Variants in AOAH observed in about 807,000 individuals in gnomAD.
The protein encoded by AOAH is acyloxyacyl hydrolase (neutrophil).
In AOAH, 64 loss-of-function variants were observed where a neutral mutation model predicts 92.2. The observed-to-expected ratio is 0.69, with a 90% CI of 0.57 to 0.86. The LOEUF (loss-of-function observed/expected upper bound fraction) is 0.86, where lower values mean the gene tolerates loss of function less well. AOAH is among the 40% of genes least tolerant of loss of function. AOAH has a pLI of 0.00. For synonymous variants in AOAH, 263 were observed against 254.5 expected, an observed-to-expected ratio of 1.03 and a Z score of -0.32; for missense variants, 656 against 694.6, an observed-to-expected ratio of 0.94 and a Z score of 0.62.
intron 15 of AOAH, 64 bp from the exon 16 acceptor site, chr7:36,540,555 C>T (rs754092745): frequency 1.2e-4 from 169 of 1,410,010 alleles, no homozygotes; most frequent in Admixed American, 1.3e-4. Flanking sequence ...GCAAGTTGCA[C>T]GCAAATACAA....
intron 13 of AOAH, among the ~76,000 whole-genome samples, chr7:36,569,523 T>TCTGTCTA (rs1562578540): frequency 6.6e-6 from 1 of 150,814 alleles, no homozygotes; most frequent in African/African-American, 2.5e-5. Flanking sequence ...CTGTCTATCT[T>TCTGTCTA]TCTACCAGAT....
At chr7:36,663,876 C>T (rs1270355728) in intron 3 of AOAH, among the ~76,000 whole-genome samples, 1 of 151,830 alleles carries the variant, frequency 6.6e-6, no homozygotes, top group Non-Finnish European at 1.5e-5. Context: ...AGAAACTATA[C>T]TTTTTTTTCA....
rs777448004 is a variant in AOAH at position 36,659,194 on chromosome 7, G to T, written c.362C>A (p.Pro121Gln). Residue 121 changes from proline to glutamine, a missense_variant, in exon 4 of 21, where the codon CCA becomes CAA. Pro to Gln is a moderately conservative substitution (Grantham distance 76). Coordinates refer to ENST00000617537, the MANE Select transcript of AOAH (RefSeq NM_001637.4). ...LEFCKQNTGQ[P>Q]LCHLYPLPKE... ...GGGAAGAGGGTAGAGATGACACAAT[G>T]GTTGGCCAGTGTTCTGTTTACAAAA... 3.1e-6 allele frequency: 5 copies of T among 1,613,922 alleles called. No individual in the cohort carries two copies. The South Asian group carries it at 4.4e-5, about 14-fold the overall frequency.
intron 13 of AOAH, among the ~76,000 whole-genome samples, chr7:36,575,774 G>A (rs566121591): frequency 2.3e-4 from 35 of 152,234 alleles, no homozygotes; most frequent in African/African-American, 6.7e-4. Flanking sequence ...TAGTTTAAAC[G>A]CTTGTTGCTT....
At chr7:36,665,679 T>C (rs1795487315) in intron 3 of AOAH, among the ~76,000 whole-genome samples, 1 of 152,156 alleles carries the variant, frequency 6.6e-6, no homozygotes, top group Middle Eastern at 3.2e-3. Flanking sequence ...TGTAGTCTTT[T>C]TGTAGATATT....
chr7:36,590,096 A>G (rs1488906192), intron 12 of AOAH, among the ~76,000 whole-genome samples: 1 of 152,014 alleles, frequency 6.6e-6, no homozygotes, highest in Non-Finnish European at 1.5e-5. Flanking sequence ...AAGGACTACA[A>G]GTACATGCCA....
intron 1 of AOAH, among the ~76,000 whole-genome samples, chr7:36,720,139 GT>G (rs34907212): frequency 3.4e-4 from 50 of 146,588 alleles, no homozygotes; most frequent in Admixed American, 6.8e-4. Flanking sequence ...GAATTCTAAA[GT>G]TTTTTTTTTT....
rs779944998 is a variant in AOAH at position 36,637,888 on chromosome 7, T to C, written c.413A>G (p.Gln138Arg). The C allele has an allele frequency of 3.1e-6, 5 of 1,614,030 alleles. No individual in the cohort carries two copies. The highest frequency in any genetic ancestry group is 3.3e-4 in the Middle Eastern group (2 of 6,062). Residue 138 changes from glutamine to arginine, a missense_variant, in exon 5 of 21, where the codon CAG becomes CGG. Gln to Arg is a conservative substitution (Grantham distance 43). Coordinates refer to ENST00000617537, the MANE Select transcript of AOAH (RefSeq NM_001637.4). ...CTTCTTGACAATTTGTCTTGCCTTCTGTAGTGTAAATTTCCATGTCTCCTA... is the reference window on the plus strand; with the variant it reads ...CTTCTTGACAATTTGTCTTGCCTTCCGTAGTGTAAATTTCCATGTCTCCTA... Reference protein sequence around the residue: ...LPKETWKFTLQKARQIVKKSP... With the variant: ...LPKETWKFTLRKARQIVKKSP...
At chr7:36,609,643 C>T (rs1791285009) in intron 11 of AOAH, among the ~76,000 whole-genome samples, 2 of 127,526 alleles carry the variant, frequency 1.6e-5, no homozygotes, top group Admixed American at 8.1e-5. Context: ...CTGCTTTGAA[C>T]ACAGTGTCTC....
At chr7:36,681,184 A>G (rs541893053) in intron 2 of AOAH, among the ~76,000 whole-genome samples, 86 of 152,332 alleles carry the variant, frequency 5.6e-4, no homozygotes, top group Middle Eastern at 3.4e-3. Flanking sequence ...ACTGTTCTTC[A>G]CTGTTTTCCT....
chr7:36,637,539 G>A (rs985862960), intron 5 of AOAH, among the ~76,000 whole-genome samples: 6 of 152,056 alleles, frequency 3.9e-5, no homozygotes, highest in African/African-American at 1.4e-4. Context: ...GGTGGATGGT[G>A]GTGCTGCTGG....
chr7:36,669,317 A>C (rs1341492581), intron 3 of AOAH, among the ~76,000 whole-genome samples: 2 of 151,588 alleles, frequency 1.3e-5, no homozygotes, highest in Non-Finnish European at 2.9e-5. Context: ...ACTAGAATTT[A>C]ATTATTTCTA....
At chr7:36,691,171 A>C (rs900747107) in intron 1 of AOAH, among the ~76,000 whole-genome samples, 2 of 152,170 alleles carry the variant, frequency 1.3e-5, no homozygotes, top group Non-Finnish European at 2.9e-5. Flanking sequence ...ATATATTATT[A>C]TCTCATTCAA....
chr7:36,602,695 C>T (rs117125690), intron 11 of AOAH, among the ~76,000 whole-genome samples: 443 of 152,148 alleles, frequency 2.9e-3, no homozygotes, highest in Non-Finnish European at 5.5e-3. Context: ...AAAGTTTAGT[C>T]ATTTCTACAA....
intron 13 of AOAH, among the ~76,000 whole-genome samples, chr7:36,573,999 G>T (rs1240013331): frequency 6.6e-6 from 1 of 152,078 alleles, no homozygotes; most frequent in South Asian, 2.1e-4. Flanking sequence ...GAGAGTAATT[G>T]AAGTAATTTA....
At chr7:36,526,237 C>G (rs1156812095) in intron 19 of AOAH, among the ~76,000 whole-genome samples, 1 of 151,954 alleles carries the variant, frequency 6.6e-6, no homozygotes, top group Non-Finnish European at 1.5e-5. Context: ...AGACTACAAC[C>G]TGTTTATTTA....
chr7:36,549,067 C>T lies in AOAH; in HGVS notation c.1058+372G>A, dbSNP rs190012000. Among the ~76,000 whole-genome samples the T allele has an allele frequency of 4.1e-4, 62 of 152,298 alleles. No homozygotes were observed. In the East Asian group the frequency reaches 4.8e-3, roughly 12 times the overall value. On this transcript the variant is annotated intron_variant, in intron 14 of 20. Coordinates refer to ENST00000617537, the MANE Select transcript of AOAH (RefSeq NM_001637.4). Reference sequence around the variant, plus strand: ...AACCTGGCAGCCGTGGACCCATAGTCAACTTTGAAAAGGCAAAGGCTTCTT... The same window carrying T: ...AACCTGGCAGCCGTGGACCCATAGTTAACTTTGAAAAGGCAAAGGCTTCTT...
intron 19 of AOAH, among the ~76,000 whole-genome samples, chr7:36,523,864 T>C (rs1270276965): frequency 6.6e-6 from 1 of 152,110 alleles, no homozygotes; most frequent in Non-Finnish European, 1.5e-5. Flanking sequence ...ACCAGCCATC[T>C]GGAAAGATTT....
At chr7:36,591,994 C>T (rs35611190) in intron 12 of AOAH, among the ~76,000 whole-genome samples, 36,117 of 151,920 alleles carry the variant, frequency 0.24, 5,287 homozygotes, top group African/African-American at 0.41. Flanking sequence ...AATATCGGAT[C>T]GGTATTTCTT....
Sources: gnomAD v4.1 joint callset for allele counts (sites outside exome capture counted in the v4.1 genomes callset) on GRCh38, gnomAD v4.1.1 for gene constraint, MANE v1.5 for transcripts, NCBI Gene and HGNC (gene_info 2026-07-23, HGNC 2026-07-21) for gene names.